Variants in OR56A3 observed in about 807,000 individuals in gnomAD.
The protein encoded by OR56A3 is olfactory receptor 56A3.
In OR56A3, 23 loss-of-function variants were observed where a neutral mutation model predicts 17.5. The ratio of observed to expected loss-of-function variants is 1.32; its 90% CI spans 0.95 to 1.87. The LOEUF (loss-of-function observed/expected upper bound fraction) is 1.87, where lower values mean the gene tolerates loss of function less well. Among genes scored for constraint, OR56A3 ranks in the 40% most tolerant of loss-of-function variants. The probability of loss-of-function intolerance (pLI) is 0.00; values close to 1 mark genes in which losing one functional copy is unlikely to be tolerated. For missense variants in OR56A3, 366 were observed against 380.1 expected, an observed-to-expected ratio of 0.96 and a Z score of 0.31; for synonymous variants, 175 against 150.6, an observed-to-expected ratio of 1.16 and a Z score of -1.19.
the OR56A3 span, among the ~76,000 whole-genome samples, chr11:5,963,964 A>G: frequency 2.0e-5 from 3 of 151,798 alleles, no homozygotes; most frequent in Non-Finnish European, 4.4e-5. Context: ...CTGTCTACAG[A>G]TTCTTTCTTC....
At chr11:5,976,509 T>C in the OR56A3 span, among the ~76,000 whole-genome samples, 1 of 152,180 alleles carries the variant, frequency 6.6e-6, no homozygotes, top group Non-Finnish European at 1.5e-5. Context: ...GTAACACTTA[T>C]TTTACTATCC....
chr11:5,964,442 C>T, the OR56A3 span, among the ~76,000 whole-genome samples: 1 of 152,100 alleles, frequency 6.6e-6, no homozygotes, highest in Non-Finnish European at 1.5e-5. Context: ...GCCTGTAATC[C>T]CTGCAGTCAT....
the OR56A3 span, chr11:5,968,526 T>G: frequency 2.1e-6 from 3 of 1,445,480 alleles, no homozygotes; most frequent in Non-Finnish European, 2.8e-6. Flanking sequence ...AAATTTCACC[T>G]GAAATTGTGT....
chr11:5,954,460 A>G (rs1847923097), downstream of OR56A3, among the ~76,000 whole-genome samples: 1 of 152,154 alleles, frequency 6.6e-6, no homozygotes, highest in Non-Finnish European at 1.5e-5. Flanking sequence ...AAAGTGTGAA[A>G]ATAGAGCTGG....
At chr11:6,019,592 T>C in the OR56A3 span, 1 of 152,114 alleles carries the variant, frequency 6.6e-6, no homozygotes, top group African/African-American at 2.4e-5. Flanking sequence ...AGGGAAACTC[T>C]AGTTTTTTTA....
chr11:5,985,986 C>T, the OR56A3 span: 1 of 1,612,256 alleles, frequency 6.2e-7, no homozygotes, highest in Non-Finnish European at 8.5e-7. Context: ...GGCGGATCTG[C>T]TGAGTCTTCA....
the OR56A3 span, among the ~76,000 whole-genome samples, chr11:5,988,294 A>T: frequency 7.4e-6 from 1 of 135,836 alleles, no homozygotes; most frequent in Non-Finnish European, 1.6e-5. Context: ...TAGAAATTCT[A>T]TCAGTGTCTT....
At chr11:5,968,039 C>T in the OR56A3 span, 8 of 1,603,592 alleles carry the variant, frequency 5.0e-6, no homozygotes, top group Admixed American at 5.2e-5. Context: ...CATTCCTGGC[C>T]ACAACAAAGA....
the OR56A3 span, among the ~76,000 whole-genome samples, chr11:5,958,910 C>A: frequency 8.3e-4 from 126 of 152,300 alleles, 2 homozygotes; most frequent in East Asian, 0.018. Flanking sequence ...GCTTATTTCA[C>A]TTAACATAAT....
the OR56A3 span, chr11:5,993,936 G>T: frequency 4.4e-6 from 2 of 458,146 alleles, no homozygotes; most frequent in African/African-American, 2.0e-5. Flanking sequence ...ACTCTGTGGC[G>T]GGTGGTAGTC....
chr11:5,991,291 G>A, the OR56A3 span, among the ~76,000 whole-genome samples: 1 of 152,178 alleles, frequency 6.6e-6, no homozygotes, highest in East Asian at 1.9e-4. Flanking sequence ...ACCATGAAGG[G>A]TTAAAGACAT....
Position 5,948,793 on chromosome 11 carries a change from C to T in OR56A3, c.*499C>T, listed in dbSNP as rs1468905018. 1 of 156,674 alleles carries T rather than the reference C, an allele frequency of 6.4e-6. No individual in the cohort carries two copies. The highest frequency in any genetic ancestry group is 2.4e-5 in the African/African-American group (1 of 41,480). The allele number at this position is 156,674 out of a possible 1,614,324, so 9.7% of individuals were successfully genotyped here. On this transcript the variant is annotated 3_prime_UTR_variant, in exon 3 of 3. Transcript: ENST00000641160. The stretch of plus-strand genomic sequence containing the variant: ...TAGGTCTTTTTCTCTCACCCTTCAA[C>T]CACATCATTGCCTTTCTCTAGTTCT...
At chr11:5,964,911 G>A in the OR56A3 span, among the ~76,000 whole-genome samples, 4 of 85,288 alleles carry the variant, frequency 4.7e-5, no homozygotes, top group African/African-American at 8.0e-5. Flanking sequence ...GAGGGGTAAC[G>A]TGTAAGGTAA....
the OR56A3 span, among the ~76,000 whole-genome samples, chr11:5,964,479 A>G: frequency 1.3e-5 from 2 of 152,276 alleles, no homozygotes; most frequent in South Asian, 4.1e-4. Flanking sequence ...CTCTAAGCCT[A>G]TGATCTGCAC....
downstream of OR56A3, among the ~76,000 whole-genome samples, chr11:5,955,977 C>T (rs921469994): frequency 4.6e-5 from 7 of 152,152 alleles, no homozygotes; most frequent in African/African-American, 9.7e-5. Flanking sequence ...AAATACCTCA[C>T]TTTTATTATT....
the OR56A3 span, among the ~76,000 whole-genome samples, chr11:5,988,059 T>G: frequency 6.6e-6 from 1 of 152,202 alleles, no homozygotes; most frequent in Non-Finnish European, 1.5e-5. Flanking sequence ...CTACATATGT[T>G]TTACTAACCA....
the OR56A3 span, among the ~76,000 whole-genome samples, chr11:5,989,125 A>G: frequency 2.6e-5 from 4 of 152,276 alleles, no homozygotes; most frequent in African/African-American, 9.6e-5. Context: ...TCAACTTGAA[A>G]TAACAATGAC....
chr11:5,970,282 G>A, the OR56A3 span, among the ~76,000 whole-genome samples: 1 of 152,222 alleles, frequency 6.6e-6, no homozygotes, highest in African/African-American at 2.4e-5. Flanking sequence ...AAGAGGTAAA[G>A]AGATTGCAAG....
At chr11:5,942,723 C>A (rs1405225896) in intron 1 of OR56A3, among the ~76,000 whole-genome samples, 1 of 152,244 alleles carries the variant, frequency 6.6e-6, no homozygotes, top group African/African-American at 2.4e-5. Flanking sequence ...TTGCTAAAAT[C>A]TACTTCTGAC....
Sources: allele counts gnomAD v4.1 joint callset (sites outside exome capture counted in the v4.1 genomes callset), GRCh38; gene constraint gnomAD v4.1.1; transcripts MANE v1.5; gene names NCBI Gene and HGNC (gene_info 2026-07-23, HGNC 2026-07-21).